NRROS: variants seen among roughly 807,000 people sequenced by gnomAD.
NRROS encodes transforming growth factor beta activator LRRC33.
NRROS carries 6 observed loss-of-function variants against 12.0 expected under a neutral mutation model. That is an observed-to-expected ratio of 0.50 (90% CI 0.27 to 0.98). The LOEUF (loss-of-function observed/expected upper bound fraction) is 0.98. Among genes scored for constraint, NRROS ranks in the 50% least tolerant of loss-of-function variants. NRROS has a pLI of 0.11. For missense variants in NRROS, 857 were observed against 888.2 expected, an observed-to-expected ratio of 0.96 and a Z score of 0.45; for synonymous variants, 462 against 410.2, an observed-to-expected ratio of 1.13 and a Z score of -1.53.
chr3:196,648,335 G>A (rs1240051237), intron 1 of NRROS, among the ~76,000 whole-genome samples: 1 of 152,160 alleles, frequency 6.6e-6, no homozygotes, highest in Non-Finnish European at 1.5e-5. Context: ...CCTAACAATA[G>A]AGGCGATGTC....
Position 196,660,775 on chromosome 3 carries a change from C to T in NRROS, c.1132C>T (p.Leu378Phe). The change falls in exon 3 of 3, where the codon CTC becomes TTC. Residue 378 changes from leucine to phenylalanine, a missense_variant. Physicochemically the swap from Leu to Phe is conservative, Grantham distance 22. Transcript: ENST00000328557. The surrounding 1 kb of genome is among the most constrained non-coding windows in gnomAD (Gnocchi z 7.7). ...TCGGGAGCACGAGCCCCCCGGAGCG[C>T]TCACCGAGCTGGACCTGAGCCACAA... ...HIREHEPPGALTELDLSHNQL... is the reference protein window; with the variant it reads ...HIREHEPPGAFTELDLSHNQL... 1 of 1,613,834 alleles carries T rather than the reference C, an allele frequency of 6.2e-7. No homozygotes were observed. Among genetic ancestry groups the T allele is most frequent in the Non-Finnish European group, 8.5e-7 (1 of 1,180,040 alleles).
At chr3:196,648,742 G>C in intron 1 of NRROS, among the ~76,000 whole-genome samples, 1 of 121,662 alleles carries the variant, frequency 8.2e-6, no homozygotes, top group Non-Finnish European at 1.6e-5. Flanking sequence ...CTCCAGCCTG[G>C]GCAACAAGAG....
In NRROS at chr3:196,660,213, G is replaced by A. The variant is rs1397637620; in HGVS notation, c.570G>A (p.Arg190=). ...GTCTCCGGGAGCTGGATCTGCAGAG[G>A]AACTACATCTTCGAGATCGAGGGCG... ...LERLRELDLQ[R]NYIFEIEGGA... The change falls in exon 3 of 3, where the codon AGG becomes AGA. Residue 190 remains arginine (R), a synonymous_variant. Coordinates refer to ENST00000328557, the MANE Select transcript of NRROS (RefSeq NM_198565.3). The surrounding 1 kb of genome is among the most constrained non-coding windows in gnomAD (Gnocchi z 7.7). 1.2e-6 allele frequency: 2 copies of A among 1,613,514 alleles called. No individual in the cohort carries two copies. The highest frequency in any genetic ancestry group is 1.7e-6 in the Non-Finnish European group (2 of 1,180,042).
rs1737641258 is a variant in NRROS at position 196,660,341 on chromosome 3, T to C, written c.698T>C (p.Val233Ala). The C allele has an allele frequency of 1.2e-6, 2 of 1,613,932 alleles. No individual in the cohort carries two copies. Among genetic ancestry groups the C allele is most frequent in the South Asian group, 1.1e-5 (1 of 91,080 alleles). Residue 233 changes from valine to alanine, a missense_variant, in exon 3 of 3, where the codon GTC becomes GCC. Transcript: ENST00000328557. This position sits in a 1 kb window ranked among gnomAD's most constrained non-coding sequence, Gnocchi z 7.7. Reference protein sequence around the residue: ...FGLTRLRVLNVSYNVLEWFLA... With the variant: ...FGLTRLRVLNASYNVLEWFLA... ...CTCACGCGGCTGCGGGTCCTCAACG[T>C]CAGCTACAACGTCCTGGAGTGGTTC... is the stretch of plus-strand genomic sequence containing the variant.
At chr3:196,644,159 C>T (rs1737259414) in intron 1 of NRROS, among the ~76,000 whole-genome samples, 1 of 152,128 alleles carries the variant, frequency 6.6e-6, no homozygotes, top group Admixed American at 6.5e-5. Context: ...GGCTCTCTGG[C>T]TAGAGAAGGT....
intron 2 of NRROS, among the ~76,000 whole-genome samples, chr3:196,658,707 T>C (rs1025543224): frequency 2.0e-5 from 3 of 152,230 alleles, no homozygotes; most frequent in African/African-American, 7.2e-5. Context: ...GGCTCACGCC[T>C]GTAATCCCAG....
At chr3:196,647,270 T>C (rs1403822251) in intron 1 of NRROS, among the ~76,000 whole-genome samples, 1 of 152,236 alleles carries the variant, frequency 6.6e-6, no homozygotes, top group African/African-American at 2.4e-5. Flanking sequence ...ATTGGCTAAA[T>C]TGTTCTTCAG....
intron 1 of NRROS, among the ~76,000 whole-genome samples, chr3:196,652,105 C>CA (rs1737440472): frequency 6.6e-6 from 1 of 152,214 alleles, no homozygotes; most frequent in Non-Finnish European, 1.5e-5. Context: ...CCAGCATAGT[C>CA]ATCTGTGCTC....
chr3:196,654,804 T>G lies in NRROS; in HGVS notation c.108+157T>G, dbSNP rs1737504164. 1 of 589,782 alleles carries G rather than the reference T, an allele frequency of 1.7e-6. No homozygotes were observed. Among genetic ancestry groups the G allele is most frequent in the Non-Finnish European group, 3.0e-6 (1 of 333,656 alleles). 36.5% of individuals were successfully genotyped at this position (589,782 alleles called of 1,614,324 possible). A position where few individuals can be genotyped will look rare whatever the true frequency, so the allele number is the denominator to read the frequency against. On this transcript the variant is annotated intron_variant, in intron 2 of 2. Coordinates refer to ENST00000328557, the MANE Select transcript of NRROS (RefSeq NM_198565.3). The surrounding 1 kb of genome is among the most constrained non-coding windows in gnomAD (Gnocchi z 4.4). ...AGCACAGGGGCATGTGCAGCTGCCC[T>G]TTAACCACAGGATTTTAAGATGCTT...
intron 2 of NRROS, among the ~76,000 whole-genome samples, chr3:196,658,445 C>A (rs907065464): frequency 6.6e-6 from 1 of 152,052 alleles, no homozygotes; most frequent in Non-Finnish European, 1.5e-5. Context: ...ATAAAGAACC[C>A]GAGGGGCCAA....
chr3:196,658,842 T>G (rs142428307), intron 2 of NRROS, among the ~76,000 whole-genome samples: 16 of 152,140 alleles, frequency 1.1e-4, no homozygotes, highest in East Asian at 5.8e-4. Flanking sequence ...TGGTGGCATG[T>G]GCCTGTAATC....
At chr3:196,646,125 CAACCCT>C (rs66922813) in intron 1 of NRROS, among the ~76,000 whole-genome samples, 49,367 of 151,286 alleles carry the variant, frequency 0.33, 8,621 homozygotes, top group African/African-American at 0.44. Flanking sequence ...AGTCTCGACA[CAACCCT>C]GTGAGGCCAT....
rs1737635191 is a variant in NRROS, at chr3:196,660,189, T to C, written c.546T>C (p.Arg182=). The change falls in exon 3 of 3, where the codon CGT becomes CGC. Residue 182 remains arginine, a synonymous_variant. Coordinates refer to ENST00000328557, the MANE Select transcript of NRROS (RefSeq NM_198565.3). This position sits in a 1 kb window ranked among gnomAD's most constrained non-coding sequence, Gnocchi z 7.7. ...ACTCCGTCTTCGAGGGCCTGGAGCG[T>C]CTCCGGGAGCTGGATCTGCAGAGGA... is the stretch of plus-strand genomic sequence containing the variant. ...LDDSVFEGLE[R]LRELDLQRNY... The C allele has an allele frequency of 2.5e-6, 4 of 1,612,972 alleles. No homozygotes were observed. The highest frequency in any genetic ancestry group is 1.3e-5 in the African/African-American group (1 of 74,902).
In NRROS at chr3:196,660,740, C is replaced by G; in HGVS notation, c.1097C>G (p.Thr366Arg). Reference sequence around the variant, plus strand: ...AACCTCCACCAGAATTGCCTGATGACGCTTCACATTCGGGAGCACGAGCCC... The same window carrying G: ...AACCTCCACCAGAATTGCCTGATGAGGCTTCACATTCGGGAGCACGAGCCC... ...HLNLHQNCLMTLHIREHEPPG... is the reference protein window; with the variant it reads ...HLNLHQNCLMRLHIREHEPPG... Residue 366 changes from threonine to arginine, a missense_variant, in exon 3 of 3, where the codon ACG becomes AGG. Coordinates refer to ENST00000328557, the MANE Select transcript of NRROS (RefSeq NM_198565.3). The surrounding 1 kb of genome is among the most constrained non-coding windows in gnomAD (Gnocchi z 7.7). 3 of 1,614,138 alleles carry G rather than the reference C, an allele frequency of 1.9e-6. No homozygotes were observed. The highest frequency in any genetic ancestry group is 2.5e-6 in the Non-Finnish European group (3 of 1,180,044).
chr3:196,654,829 TC>T lies in NRROS; in HGVS notation c.108+184del, dbSNP rs1737504525. On this transcript the variant is annotated intron_variant, in intron 2 of 2. Coordinates refer to ENST00000328557, the MANE Select transcript of NRROS (RefSeq NM_198565.3). The surrounding 1 kb of genome is among the most constrained non-coding windows in gnomAD (Gnocchi z 4.4). The stretch of plus-strand genomic sequence containing the variant: ...TTTAACCACAGGATTTTAAGATGCT[TC>T]CTGGGAAGAGCCAGGCAGTCCCTGC... The T allele has an allele frequency of 3.5e-6, 2 of 571,818 alleles. No individual in the cohort carries two copies. The highest frequency in any genetic ancestry group is 4.3e-5 in the South Asian group (2 of 46,046). 35.4% of individuals were successfully genotyped at this position (571,818 alleles called of 1,614,324 possible).
chr3:196,660,373 A>T lies in NRROS; in HGVS notation c.730A>T (p.Thr244Ser). The T allele has an allele frequency of 6.2e-7, 1 of 1,613,944 alleles. No homozygotes were observed. The highest frequency in any genetic ancestry group is 8.5e-7 in the Non-Finnish European group (1 of 1,179,978). Residue 244 changes from threonine (T) to serine (S), a missense_variant, in exon 3 of 3, where the codon ACC becomes TCC. Thr to Ser is a moderately conservative substitution (Grantham distance 58, BLOSUM62 1). Coordinates refer to ENST00000328557, the MANE Select transcript of NRROS (RefSeq NM_198565.3). This position sits in a 1 kb window ranked among gnomAD's most constrained non-coding sequence, Gnocchi z 7.7. ...CAACGTCCTGGAGTGGTTCCTCGCG[A>T]CCGGGGGAGAGGCTGCCTTCGAGCT... ...SYNVLEWFLA[T>S]GGEAAFELET...
Position 196,648,274 on chromosome 3 carries a change from A to G in NRROS, c.-13-6253A>G, listed in dbSNP as rs577169903. 2.6e-5 allele frequency among the ~76,000 whole-genome samples: 4 copies of G among 152,338 alleles called. No individual in the cohort carries two copies. The East Asian group carries it at 7.7e-4, about 29-fold the overall frequency. On this transcript the variant is annotated intron_variant, in intron 1 of 2. Coordinates refer to ENST00000328557, the MANE Select transcript of NRROS (RefSeq NM_198565.3). Reference sequence around the variant, plus strand: ...ATTGAGCCATTTGAAGGTAGTTTACATAAATTACGGACATCATGAAAGTTC... The same window carrying G: ...ATTGAGCCATTTGAAGGTAGTTTACGTAAATTACGGACATCATGAAAGTTC...
At chr3:196,641,936 T>C (rs1372368416) in intron 1 of NRROS, among the ~76,000 whole-genome samples, 2 of 152,232 alleles carry the variant, frequency 1.3e-5, no homozygotes, top group Non-Finnish European at 2.9e-5. Flanking sequence ...CACTTACAGA[T>C]GTCTGTGCTC....
At chr3:196,659,626 A>G (rs1737617376) in intron 2 of NRROS, 126 bp from the exon 3 acceptor site, 2 of 1,002,042 alleles carry the variant, frequency 2.0e-6, no homozygotes, top group Admixed American at 5.8e-5. Context: ...TCCTATTTTT[A>G]AAATGAACAT....
Sources: gnomAD v4.1 joint callset for allele counts (sites outside exome capture counted in the v4.1 genomes callset) on GRCh38, gnomAD v4.1.1 for gene constraint, Gnocchi (gnomAD v3.1) non-coding constraint, MANE v1.5 for transcripts, NCBI Gene and HGNC (gene_info 2026-07-23, HGNC 2026-07-21) for gene names.